DAAM2: variants seen among roughly 807,000 people sequenced by gnomAD.
The protein encoded by DAAM2 is disheveled-associated activator of morphogenesis 2.
A neutral mutation model predicts 120.7 loss-of-function variants in DAAM2; 39 were observed. The ratio of observed to expected loss-of-function variants is 0.32; its 90% confidence interval spans 0.25 to 0.42. DAAM2 has a LOEUF of 0.42. Ranked by LOEUF, DAAM2 falls within the 10% of genes least tolerant of loss-of-function variation. The pLI, the probability that DAAM2 is intolerant of heterozygous loss-of-function variation, is 1.00. For synonymous variants in DAAM2, 488 were observed against 524.9 expected, an observed-to-expected ratio of 0.93 and a Z score of 0.96; for missense variants, 1,283 against 1,401.7, an observed-to-expected ratio of 0.92 and a Z score of 1.35.
chr6:39,813,293 A>C (rs1375699990), intron 1 of DAAM2, among the ~76,000 whole-genome samples: 2 of 152,076 alleles, frequency 1.3e-5, no homozygotes, highest in Non-Finnish European at 2.9e-5. Flanking sequence ...GTGGGGGTGA[A>C]TCATAGGCGA....
rs1762967559 is a variant in DAAM2, at chr6:39,832,897, C to T, written c.-56-23350C>T. On this transcript the variant is annotated intron_variant, in intron 1 of 24. Transcript: ENST00000274867. Reference sequence around the variant, plus strand: ...CACCCACTGCTGAAGCTTAGGTCTTCCTCAGGCTCCTGGCTCTGCCAGGAC... The same window carrying T: ...CACCCACTGCTGAAGCTTAGGTCTTTCTCAGGCTCCTGGCTCTGCCAGGAC... Among the ~76,000 whole-genome samples, 3 of 152,236 alleles carry T rather than the reference C, an allele frequency of 2.0e-5. No individual in the cohort carries two copies. The South Asian group carries it at 6.2e-4, about 32-fold the overall frequency.
chr6:39,872,542 T>G (rs1764703643), intron 9 of DAAM2, among the ~76,000 whole-genome samples: 1 of 152,224 alleles, frequency 6.6e-6, no homozygotes, highest in African/African-American at 2.4e-5. Flanking sequence ...AATTGTATTT[T>G]CATTTTAACC....
Position 39,860,813 on chromosome 6 carries a change from A to G in DAAM2, c.169-115A>G, listed in dbSNP as rs879080672. ...ATATCTTTGATGCTCTTCGGGAGGA[A>G]GATAGTAGTAGCCTGAGGAACTGAT... On this transcript the variant is annotated intron_variant, in intron 2 of 24. Transcript: ENST00000274867. The G allele has an allele frequency of 6.2e-6, 5 of 802,062 alleles. No individual in the cohort carries two copies. The Admixed American group carries it at 6.6e-5, about 11-fold the overall frequency. The allele number at this position is 802,062 out of a possible 1,614,324, so 49.7% of individuals were successfully genotyped here.
chr6:39,870,018 G>T (rs1399625777), intron 7 of DAAM2, among the ~76,000 whole-genome samples: 1 of 152,132 alleles, frequency 6.6e-6, no homozygotes, highest in Non-Finnish European at 1.5e-5. Flanking sequence ...CACAAAACCA[G>T]ATCCAAGATC....
chr6:39,814,075 A>T (rs1762241008), intron 1 of DAAM2, among the ~76,000 whole-genome samples: 2 of 152,202 alleles, frequency 1.3e-5, no homozygotes, highest in African/African-American at 2.4e-5. Flanking sequence ...CATGGGCTGC[A>T]TGCGGCCCAG....
chr6:39,824,975 T>C (rs187144809), intron 1 of DAAM2, among the ~76,000 whole-genome samples: 2 of 152,194 alleles, frequency 1.3e-5, no homozygotes, highest in African/African-American at 4.8e-5. Context: ...TGGAGGAGAA[T>C]GATGAGAGGT....
In DAAM2 at chr6:39,902,044, G is replaced by C. The variant is rs751429140; in HGVS notation, c.*7G>C. ...AAACCGGCTAAATTATTGACCTGGG[G>C]AACTAGCCACACAGGAGGCCGGGAG... On this transcript the variant is annotated 3_prime_UTR_variant, in exon 25 of 25. Coordinates refer to ENST00000274867, the MANE Select transcript of DAAM2 (RefSeq NM_001201427.2). The C allele has an allele frequency of 2.5e-6, 4 of 1,594,248 alleles. No homozygotes were observed. In the African/African-American group the frequency reaches 5.4e-5, roughly 21 times the overall value.
intron 1 of DAAM2, among the ~76,000 whole-genome samples, chr6:39,843,958 G>A (rs1379268121): frequency 1.3e-5 from 2 of 152,122 alleles, no homozygotes; most frequent in African/African-American, 2.4e-5. Flanking sequence ...GTATCTGAAT[G>A]TTGGAATCAG....
chr6:39,803,313 C>G (rs568388135), intron 1 of DAAM2, among the ~76,000 whole-genome samples: 1 of 152,298 alleles, frequency 6.6e-6, no homozygotes, highest in African/African-American at 2.4e-5. Flanking sequence ...GATGAAGAAG[C>G]TGTTCCAACT....
chr6:39,803,794 G>A (rs1023681918), intron 1 of DAAM2, among the ~76,000 whole-genome samples: 2 of 152,168 alleles, frequency 1.3e-5, no homozygotes, highest in African/African-American at 4.8e-5. Flanking sequence ...GTCCTGTAAA[G>A]AGGAACAGAC....
At chr6:39,874,644 C>T (rs1764795835) in intron 10 of DAAM2, among the ~76,000 whole-genome samples, 1 of 152,142 alleles carries the variant, frequency 6.6e-6, no homozygotes, top group Admixed American at 6.5e-5. Flanking sequence ...CAATAAAGTG[C>T]TAGGGATCAA....
chr6:39,860,792 C>T (rs372728560), intron 2 of DAAM2, 136 bp from the exon 3 acceptor site: 10 of 732,678 alleles, frequency 1.4e-5, no homozygotes, highest in South Asian at 8.7e-5. Context: ...CCTATCATAT[C>T]TTTGATGCTC....
rs1766595835 is a variant in DAAM2 at position 39,903,342 on chromosome 6, G to A, written c.*1305G>A. ...AGGTGCCAAGGAGGAAGGCTGAGAG[G>A]GGGGCCACCCCATTTCTGGTACCCA... On this transcript the variant is annotated 3_prime_UTR_variant, in exon 25 of 25. Transcript: ENST00000274867. 1 of 152,282 alleles carries A rather than the reference G, an allele frequency of 6.6e-6. No individual in the cohort carries two copies. Among genetic ancestry groups the A allele is most frequent in the Non-Finnish European group, 1.5e-5 (1 of 68,078 alleles). The allele number at this position is 152,282 out of a possible 1,614,324, so 9.4% of individuals were successfully genotyped here.
rs759026972 is a variant in DAAM2 at position 39,904,767 on chromosome 6, G to A, written c.*2730G>A. 2 of 454,118 alleles carry A rather than the reference G, an allele frequency of 4.4e-6. No homozygotes were observed. The highest frequency in any genetic ancestry group is 8.8e-6 in the Non-Finnish European group (2 of 226,800). 28.1% of individuals were successfully genotyped at this position (454,118 alleles called of 1,614,324 possible). On this transcript the variant is annotated 3_prime_UTR_variant, in exon 25 of 25. Transcript: ENST00000274867. The stretch of plus-strand genomic sequence containing the variant: ...TCACCAGCTGCCTCAGATGACAAAT[G>A]AGGCTAATGGACATAATCTACAGTG...
chr6:39,904,064 C>T lies in DAAM2; in HGVS notation c.*2027C>T. 2.6e-6 allele frequency: 1 copy of T among 390,038 alleles called. No homozygotes were observed. The highest frequency in any genetic ancestry group is 3.1e-5 in the Admixed American group (1 of 31,892). The allele number at this position is 390,038 out of a possible 1,614,324, so 24.2% of individuals were successfully genotyped here. On this transcript the variant is annotated 3_prime_UTR_variant, in exon 25 of 25. Transcript: ENST00000274867. ...TGACCAGGCTGATGTCAACCTAACC[C>T]CCTCAGGGGCAGGGAACAGGGGAGG... is the stretch of plus-strand genomic sequence containing the variant.
chr6:39,867,965 AT>A, intron 6 of DAAM2, 122 bp downstream of exon 6: 1 of 873,252 alleles, frequency 1.1e-6, no homozygotes, highest in African/African-American at 1.7e-5. Context: ...TGTGGTCTGC[AT>A]GCCTGCTCCT....
intron 1 of DAAM2, among the ~76,000 whole-genome samples, chr6:39,823,852 G>A (rs904827530): frequency 3.3e-5 from 5 of 152,144 alleles, no homozygotes; most frequent in African/African-American, 1.2e-4. Flanking sequence ...AGGAGACTGA[G>A]GACCCCTGCC....
At chr6:39,866,042 C>T (rs977525109) in intron 5 of DAAM2, among the ~76,000 whole-genome samples, 2 of 152,168 alleles carry the variant, frequency 1.3e-5, no homozygotes, top group South Asian at 2.1e-4. Flanking sequence ...CTTCCCCTGG[C>T]GAAAAGCTAG....
At position 39,879,562 on chromosome 6, in the gene DAAM2, A is replaced by G. The variant is rs1379718647; in HGVS notation, c.1845+85A>G. The G allele has an allele frequency of 1.9e-6, 3 of 1,562,022 alleles. No homozygotes were observed. In the South Asian group the frequency reaches 3.3e-5, roughly 17 times the overall value. On this transcript the variant is annotated intron_variant, in intron 14 of 24. Coordinates refer to ENST00000274867, the MANE Select transcript of DAAM2 (RefSeq NM_001201427.2). ...GGGACCACCCGCCCCTTGTTTACAG[A>G]TCTCCACTCTGGGTCCTTTCTTTGG...
Sources: gnomAD v4.1 joint callset for allele counts (sites outside exome capture counted in the v4.1 genomes callset) on GRCh38, gnomAD v4.1.1 for gene constraint, MANE v1.5 for transcripts, NCBI Gene and HGNC (gene_info 2026-07-23, HGNC 2026-07-21) for gene names.